NRXN3: variants seen among roughly 807,000 people sequenced by gnomAD.
NRXN3 encodes neurexin III.
A neutral mutation model predicts 137.6 loss-of-function variants in NRXN3; 32 were observed. The observed-to-expected ratio is 0.23, with a 90% CI of 0.18 to 0.31. NRXN3 has a LOEUF of 0.31. NRXN3 is among the 10% of genes least tolerant of loss of function. The pLI, the probability that NRXN3 is intolerant of heterozygous loss-of-function variation, is 1.00. For synonymous variants in NRXN3, 798 were observed against 784.5 expected (o/e 1.02, Z -0.29); for missense variants, 1,574 against 2,062.5 (o/e 0.76, Z 4.59).
At chr14:79,287,486 T>C (rs1307705185) in intron 15 of NRXN3, among the ~76,000 whole-genome samples, 2 of 152,196 alleles carry the variant, frequency 1.3e-5, no homozygotes, top group African/African-American at 2.4e-5. Flanking sequence ...TCAGTGTCCA[T>C]TGTAAACTAA....
At chr14:78,615,396 C>T (rs1319685450) in intron 4 of NRXN3, among the ~76,000 whole-genome samples, 13 of 145,784 alleles carry the variant, frequency 8.9e-5, no homozygotes, top group African/African-American at 2.6e-4. Context: ...TTCAGGAGAT[C>T]GAAACCATCC....
At position 79,569,630 on chromosome 14, in the gene NRXN3, T is replaced by TGTGA. The variant is rs775452045; in HGVS notation, c.3445-94147_3445-94146insTGAG. 9.6e-3 allele frequency among the ~76,000 whole-genome samples: 1,303 copies of TGTGA among 135,752 alleles called. 41 individuals carry two copies. The East Asian group carries it at 0.12, about 12-fold the overall frequency. 89.1% of individuals were successfully genotyped at this position (135,752 alleles called of 152,430 possible). On this transcript the variant is annotated intron_variant, in intron 16 of 20. Coordinates refer to ENST00000335750, the MANE Select transcript of NRXN3 (RefSeq NM_001330195.2). ...GTGTGTGTGTGTGTGTGTGTGTGTG[T>TGTGA]GAGAGAGAGAGAGAGAGAGACAGAG...
intron 4 of NRXN3, among the ~76,000 whole-genome samples, chr14:78,437,883 G>A (rs2094125036): frequency 1.3e-5 from 2 of 152,270 alleles, no homozygotes; most frequent in South Asian, 4.2e-4. Flanking sequence ...GAAGTAGAAG[G>A]AGAGACCAGG....
chr14:78,714,932 G>A lies in NRXN3; in HGVS notation c.1837G>A (p.Asp613Asn), dbSNP rs759188315. 1 of 1,614,110 alleles carries A rather than the reference G, an allele frequency of 6.2e-7. No individual in the cohort carries two copies. The change falls in exon 8 of 21, where the codon GAC (aspartate) becomes AAC (asparagine). Residue 613 changes from aspartate (D) to asparagine (N), a missense_variant. Asp to Asn is a conservative substitution (Grantham distance 23). This residue lies in a region of NRXN3 where 718 missense variants were observed against 887.6 expected (regional missense o/e 0.81). Transcript: ENST00000335750. ...CTATGGCTACGTGGGCTGCATCCGC[G>A]ACCTATTCATTGATGGGCGCAGCAA... The part of the protein sequence containing the change: ...LNYGYVGCIR[D>N]LFIDGRSKNI...
intron 15 of NRXN3, among the ~76,000 whole-genome samples, chr14:79,096,526 G>T (rs543757668): frequency 6.6e-6 from 1 of 151,950 alleles, no homozygotes; most frequent in African/African-American, 2.4e-5. Flanking sequence ...ACTGCAGGCA[G>T]TTTTTAACTT....
chr14:79,770,991 A>T (rs1603478739), intron 19 of NRXN3, among the ~76,000 whole-genome samples: 1 of 152,196 alleles, frequency 6.6e-6, no homozygotes, highest in African/African-American at 2.4e-5. Flanking sequence ...AGAATACTAC[A>T]AACACCTCTA....
intron 15 of NRXN3, among the ~76,000 whole-genome samples, chr14:79,393,400 G>A (rs910422145): frequency 3.9e-5 from 6 of 152,168 alleles, no homozygotes; most frequent in African/African-American, 1.2e-4. Context: ...AAAGAGATGG[G>A]TGAGATGAAA....
At chr14:79,763,464 T>G (rs2099045796) in intron 19 of NRXN3, among the ~76,000 whole-genome samples, 2 of 85,604 alleles carry the variant, frequency 2.3e-5, no homozygotes, top group Admixed American at 2.7e-4. Flanking sequence ...TAAGGACAGG[T>G]TGCATAAAAC....
chr14:78,410,691 G>C (rs2092774920), intron 4 of NRXN3, among the ~76,000 whole-genome samples: 1 of 152,096 alleles, frequency 6.6e-6, no homozygotes. Flanking sequence ...GCCTTCAATT[G>C]ATGAAAAAAC....
At chr14:79,597,097 T>G (rs897678541) in intron 16 of NRXN3, among the ~76,000 whole-genome samples, 1 of 152,196 alleles carries the variant, frequency 6.6e-6, no homozygotes, top group Non-Finnish European at 1.5e-5. Context: ...GCTTTTCAGT[T>G]CTTCCACTTG....
chr14:78,857,970 T>C (rs566675956), intron 10 of NRXN3, among the ~76,000 whole-genome samples: 2 of 152,328 alleles, frequency 1.3e-5, no homozygotes, highest in Admixed American at 6.5e-5. Context: ...TTTCTTCTAC[T>C]CAGCTTTTCC....
intron 15 of NRXN3, among the ~76,000 whole-genome samples, chr14:79,090,275 G>A (rs11627661): frequency 6.6e-6 from 1 of 151,886 alleles, no homozygotes. Flanking sequence ...GATTATTAAA[G>A]TCTCTGAGTA....
rs890651581 is a variant in NRXN3 at position 79,189,438 on chromosome 14, A to G, written c.3262+201297A>G. On this transcript the variant is annotated intron_variant, in intron 15 of 20. Transcript: ENST00000335750. ...GCTTTAGGAGATATACCTAATGCTA[A>G]ATGGCGAGTTAATGGGTGCAGCACA... is the stretch of plus-strand genomic sequence containing the variant. 5.3e-5 allele frequency among the ~76,000 whole-genome samples: 8 copies of G among 151,408 alleles called. No homozygotes were observed. In the East Asian group the frequency reaches 1.6e-3, roughly 30 times the overall value.
chr14:78,712,523 T>A (rs2152841995), intron 7 of NRXN3, among the ~76,000 whole-genome samples: 1 of 152,308 alleles, frequency 6.6e-6, no homozygotes, highest in African/African-American at 2.4e-5. Flanking sequence ...ACTCTTGTGT[T>A]GACTTTGCAC....
chr14:79,686,980 T>C (rs2098697912), intron 17 of NRXN3, among the ~76,000 whole-genome samples: 1 of 152,196 alleles, frequency 6.6e-6, no homozygotes, highest in South Asian at 2.1e-4. Context: ...TACTTAATAA[T>C]GCCCTTGTGC....
chr14:79,085,724 C>T lies in NRXN3; in HGVS notation c.3262+97583C>T, dbSNP rs562712383. Reference sequence around the variant, plus strand: ...CGTAGAATTAGATGGCGAGAAGAAACGAGGAGAGAGAGGGAAAAAGTCTGA... The same window carrying T: ...CGTAGAATTAGATGGCGAGAAGAAATGAGGAGAGAGAGGGAAAAAGTCTGA... On this transcript the variant is annotated intron_variant, in intron 15 of 20. Coordinates refer to ENST00000335750, the MANE Select transcript of NRXN3 (RefSeq NM_001330195.2). Among the ~76,000 whole-genome samples the T allele has an allele frequency of 2.0e-5, 3 of 151,878 alleles. No individual in the cohort carries two copies. The East Asian group carries it at 5.8e-4, about 29-fold the overall frequency.
intron 19 of NRXN3, among the ~76,000 whole-genome samples, chr14:79,729,198 A>C (rs1469444151): frequency 6.6e-6 from 1 of 152,224 alleles, no homozygotes; most frequent in Non-Finnish European, 1.5e-5. Flanking sequence ...TGCAAAGTAG[A>C]TTAACAAAGT....
rs140422228 is a variant in NRXN3, at chr14:78,423,911, G to A, written c.757+126051G>A. ...TTCCGCTTAAGGAAATATTGTTCCC[G>A]TAGGGGCACAAATATATGAACAAGC... On this transcript the variant is annotated intron_variant, in intron 4 of 20. Transcript: ENST00000335750. 5.8e-3 allele frequency among the ~76,000 whole-genome samples: 884 copies of A among 152,286 alleles called. 1 individual carries two copies. The highest frequency in any genetic ancestry group is 0.02 in the African/African-American group (832 of 41,556).
chr14:78,855,179 AC>A (rs1344483265), intron 10 of NRXN3, among the ~76,000 whole-genome samples: 5 of 149,566 alleles, frequency 3.3e-5, no homozygotes, highest in African/African-American at 1.3e-4. Flanking sequence ...AAAAAAACAT[AC>A]AAAAAAGGTA....
Sources: allele counts gnomAD v4.1 joint callset (sites outside exome capture counted in the v4.1 genomes callset), GRCh38; gene constraint gnomAD v4.1.1; regional missense constraint gnomAD v4.1.1; transcripts MANE v1.5; gene names NCBI Gene and HGNC (gene_info 2026-07-23, HGNC 2026-07-21).